NRG3: variants seen among roughly 807,000 people sequenced by gnomAD.
NRG3 encodes neuregulin 3.
Under a neutral mutation model 66.9 loss-of-function variants are expected in NRG3, and 31 were observed. That is an observed-to-expected ratio of 0.46 (90% confidence interval 0.35 to 0.63). The LOEUF (loss-of-function observed/expected upper bound fraction) is 0.63, where lower values mean the gene tolerates loss of function less well. Ranked by LOEUF, NRG3 falls within the 20% of genes least tolerant of loss-of-function variation. The pLI, the probability that NRG3 is intolerant of heterozygous loss-of-function variation, is 0.00. For synonymous variants in NRG3, 393 were observed against 359.4 expected (o/e 1.09, Z -1.06); for missense variants, 910 against 878.9 (o/e 1.04, Z -0.45).
intron 2 of NRG3, among the ~76,000 whole-genome samples, chr10:82,661,565 T>A (rs1472538721): frequency 6.6e-6 from 1 of 152,180 alleles, no homozygotes; most frequent in Non-Finnish European, 1.5e-5. Flanking sequence ...TGCCTTTCTA[T>A]TATTGGTACT....
At chr10:82,130,836 C>T (rs1319838688) in intron 1 of NRG3, among the ~76,000 whole-genome samples, 2 of 151,992 alleles carry the variant, frequency 1.3e-5, no homozygotes, top group Non-Finnish European at 2.9e-5. Context: ...ATTCGTGTGT[C>T]TTTTTTTGAG....
intron 2 of NRG3, among the ~76,000 whole-genome samples, chr10:82,684,794 T>C (rs889761085): frequency 1.3e-5 from 2 of 152,004 alleles, no homozygotes; most frequent in African/African-American, 2.4e-5. Context: ...ACAGAAAAGA[T>C]TGGGGCATGA....
chr10:82,337,856 T>A (rs1173413729), intron 1 of NRG3, among the ~76,000 whole-genome samples: 1 of 152,152 alleles, frequency 6.6e-6, no homozygotes, highest in African/African-American at 2.4e-5. Context: ...CTATAATGCA[T>A]TGGGGTCTTT....
chr10:82,561,017 C>T (rs1230396885), intron 2 of NRG3, among the ~76,000 whole-genome samples: 2 of 151,898 alleles, frequency 1.3e-5, no homozygotes, highest in Non-Finnish European at 2.9e-5. Context: ...TATTCCTGTT[C>T]TATAATTTTC....
At chr10:82,148,007 C>A (rs2070388738) in intron 1 of NRG3, among the ~76,000 whole-genome samples, 1 of 152,174 alleles carries the variant, frequency 6.6e-6, no homozygotes, top group Non-Finnish European at 1.5e-5. Context: ...AAGCTGTGAG[C>A]AGCACTGGCA....
rs146372495 is a variant in NRG3 at position 82,145,666 on chromosome 10, C to T, written c.824-213073C>T. 3.1e-3 allele frequency among the ~76,000 whole-genome samples: 470 copies of T among 152,226 alleles called. 2 individuals carry two copies. Among genetic ancestry groups the T allele is most frequent in the African/African-American group, 0.011 (440 of 41,542 alleles). The stretch of plus-strand genomic sequence containing the variant: ...GATGTACGCTGTGTGTTAATTGCTT[C>T]GTTAATACTGCTCTGGTACAATAAC... On this transcript the variant is annotated intron_variant, in intron 1 of 8. Transcript: ENST00000372141.
chr10:82,905,554 A>G (rs550730766), intron 4 of NRG3, among the ~76,000 whole-genome samples: 1 of 152,168 alleles, frequency 6.6e-6, no homozygotes, highest in East Asian at 1.9e-4. Context: ...TTACTGAATT[A>G]TTATTTTTAT....
rs77555049 is a variant in NRG3 at position 82,790,370 on chromosome 10, T to A, written c.1027+51720T>A. Reference sequence around the variant, plus strand: ...TTTGAAGGACAGTTTCGCTATTGGTTTTTTTCTTTCAACAGTTTGAATATG... The same window carrying A: ...TTTGAAGGACAGTTTCGCTATTGGTATTTTTCTTTCAACAGTTTGAATATG... On this transcript the variant is annotated intron_variant, in intron 3 of 8. Transcript: ENST00000372141. 5.4e-3 allele frequency among the ~76,000 whole-genome samples: 824 copies of A among 152,200 alleles called. 4 individuals are homozygous for A. The Middle Eastern group carries it at 0.055, about 10-fold the overall frequency.
chr10:82,164,967 G>A (rs748433101), intron 1 of NRG3, among the ~76,000 whole-genome samples: 17 of 151,812 alleles, frequency 1.1e-4, no homozygotes, highest in Non-Finnish European at 2.1e-4. Context: ...AGAAAAGACT[G>A]GCACTCTAAT....
chr10:82,665,364 C>A (rs1050519048), intron 2 of NRG3, among the ~76,000 whole-genome samples: 3 of 152,184 alleles, frequency 2.0e-5, no homozygotes, highest in African/African-American at 7.2e-5. Context: ...TTTGTAGACA[C>A]CATCTTTTAT....
intron 1 of NRG3, among the ~76,000 whole-genome samples, chr10:82,213,429 G>A (rs2075503358): frequency 6.6e-6 from 1 of 152,156 alleles, no homozygotes; most frequent in African/African-American, 2.4e-5. Flanking sequence ...TCTAGATTTT[G>A]TGTATAAGGT....
intron 2 of NRG3, among the ~76,000 whole-genome samples, chr10:82,399,098 C>G (rs1371630269): frequency 1.3e-5 from 2 of 152,136 alleles, no homozygotes; most frequent in Non-Finnish European, 2.9e-5. Flanking sequence ...ATTCATTGTA[C>G]TATCTGGAAT....
At chr10:82,142,670 G>A (rs75375288) in intron 1 of NRG3, among the ~76,000 whole-genome samples, 1,894 of 151,598 alleles carry the variant, frequency 0.012, 26 homozygotes, top group Middle Eastern at 0.031. Flanking sequence ...TTATGACAAC[G>A]TAATGTATCT....
chr10:82,306,703 TAAAAAAAAAAAAAAAAAA>T (rs71009805), intron 1 of NRG3, among the ~76,000 whole-genome samples: 1 of 35,882 alleles, frequency 2.8e-5, no homozygotes. Flanking sequence ...GACTCCGTCT[TAAAAAAAAAAAAAAAAAA>T]AAAAAAAAAA....
chr10:82,863,358 T>A (rs1044205130), intron 3 of NRG3, among the ~76,000 whole-genome samples: 1 of 152,238 alleles, frequency 6.6e-6, no homozygotes, highest in African/African-American at 2.4e-5. Flanking sequence ...TGATTTATAA[T>A]CCTTTGGGTA....
At chr10:82,068,208 CAGTAGAACAT>C in intron 1 of NRG3, among the ~76,000 whole-genome samples, 1 of 152,226 alleles carries the variant, frequency 6.6e-6, no homozygotes, top group Non-Finnish European at 1.5e-5. Flanking sequence ...CTGCAGCTTA[CAGTAGAACAT>C]AACTGTTTAG....
chr10:81,999,458 G>T (rs2061080094), intron 1 of NRG3, among the ~76,000 whole-genome samples: 1 of 152,134 alleles, frequency 6.6e-6, no homozygotes, highest in Admixed American at 6.6e-5. Context: ...ACATGGCTAT[G>T]ATAATGACAT....
At chr10:82,880,520 C>A (rs2136055115) in intron 4 of NRG3, among the ~76,000 whole-genome samples, 1 of 152,218 alleles carries the variant, frequency 6.6e-6, no homozygotes, top group Admixed American at 6.5e-5. Context: ...TAATCCAGAT[C>A]AAAATGTCTC....
chr10:82,585,070 C>T lies in NRG3; in HGVS notation c.954-153507C>T, dbSNP rs551249264. 1.7e-3 allele frequency among the ~76,000 whole-genome samples: 264 copies of T among 151,772 alleles called. No homozygotes were observed. The Middle Eastern group carries it at 0.027, about 16-fold the overall frequency. On this transcript the variant is annotated intron_variant, in intron 2 of 8. Coordinates refer to ENST00000372141, the MANE Select transcript of NRG3 (RefSeq NM_001010848.4). ...GTGAGTATAATTAATAAAAATGCGTCGAAGACTGCAAATAAATGAGTTTAT... is the reference window on the plus strand; with the variant it reads ...GTGAGTATAATTAATAAAAATGCGTTGAAGACTGCAAATAAATGAGTTTAT...
Sources: allele counts gnomAD v4.1 joint callset (sites outside exome capture counted in the v4.1 genomes callset), GRCh38; gene constraint gnomAD v4.1.1; transcripts MANE v1.5; gene names NCBI Gene and HGNC (gene_info 2026-07-23, HGNC 2026-07-21).